PVT1: variants seen among roughly 807,000 people sequenced by gnomAD.
PVT1 encodes the protein CXCR4/PVT1 fusion.
intron 2 of PVT1, among the ~76,000 whole-genome samples, chr8:127,857,915 G>T (rs763918209): frequency 6.6e-6 from 1 of 152,166 alleles, no homozygotes; most frequent in Admixed American, 6.6e-5. Context: ...GCTCTGATTC[G>T]TATGGTGGAG....
intron 5 of PVT1, among the ~76,000 whole-genome samples, chr8:128,093,616 A>G (rs1413293652): frequency 1.3e-5 from 2 of 152,038 alleles, no homozygotes; most frequent in African/African-American, 2.4e-5. Context: ...TGGCACGACT[A>G]TCACCTCCCT....
chr8:128,079,450 A>G (rs1814145037), intron 5 of PVT1, among the ~76,000 whole-genome samples: 1 of 152,232 alleles, frequency 6.6e-6, no homozygotes, highest in Admixed American at 6.5e-5. Context: ...ATGAACTAAT[A>G]TTGATACATT....
chr8:127,970,148 A>G (rs7015112), intron 3 of PVT1, among the ~76,000 whole-genome samples: 95,699 of 151,866 alleles, frequency 0.63, 30,472 homozygotes, highest in South Asian at 0.8. Flanking sequence ...GCATCCAGGC[A>G]TGTGGCTTAC....
intron 3 of PVT1, among the ~76,000 whole-genome samples, chr8:127,934,697 G>A (rs1816250893): frequency 6.6e-6 from 1 of 151,610 alleles, no homozygotes; most frequent in South Asian, 2.1e-4. Context: ...TTTCTAACAG[G>A]ATGAAGACTT....
chr8:128,053,071 G>A (rs1393492792), intron 4 of PVT1, among the ~76,000 whole-genome samples: 2 of 152,158 alleles, frequency 1.3e-5, no homozygotes, highest in Non-Finnish European at 2.9e-5. Context: ...CTATTTCTTG[G>A]GTAAGTTCTC....
intron 3 of PVT1, among the ~76,000 whole-genome samples, chr8:127,953,760 T>TACAG (rs1816536030): frequency 1.3e-5 from 2 of 152,240 alleles, no homozygotes; most frequent in African/African-American, 4.8e-5. Flanking sequence ...AGCTCATTTC[T>TACAG]ATGTGGACTT....
At chr8:127,979,878 G>A (rs1816863875) in intron 3 of PVT1, among the ~76,000 whole-genome samples, 1 of 144,542 alleles carries the variant, frequency 6.9e-6, no homozygotes, top group Non-Finnish European at 1.6e-5. Context: ...TTTTTTTGTT[G>A]TGGTGGTGGT....
intron 3 of PVT1, among the ~76,000 whole-genome samples, chr8:127,960,940 G>A (rs1241389507): frequency 2.4e-4 from 29 of 120,466 alleles, no homozygotes; most frequent in Non-Finnish European, 4.4e-4. Flanking sequence ...GTGTGTTTGG[G>A]GGTGGGGGGG....
chr8:128,045,377 G>A (rs987491845), intron 4 of PVT1, among the ~76,000 whole-genome samples: 20 of 152,164 alleles, frequency 1.3e-4, no homozygotes, highest in African/African-American at 4.8e-4. Context: ...AAAATGCTTT[G>A]CCACAGCTGA....
intron 3 of PVT1, among the ~76,000 whole-genome samples, chr8:127,986,345 G>A (rs967219712): frequency 2.0e-5 from 3 of 152,152 alleles, no homozygotes; most frequent in Non-Finnish European, 4.4e-5. Context: ...AAAGCACAGC[G>A]TTGGGCCCAG....
chr8:127,877,163 G>A (rs904532876), intron 2 of PVT1, among the ~76,000 whole-genome samples: 6 of 152,190 alleles, frequency 3.9e-5, no homozygotes, highest in South Asian at 2.1e-4. Flanking sequence ...AGCTCAGAGC[G>A]CCTAGAATGT....
chr8:128,021,514 T>C (rs190750945), intron 4 of PVT1, among the ~76,000 whole-genome samples: 2,803 of 152,028 alleles, frequency 0.018, 86 homozygotes, highest in African/African-American at 0.063. Flanking sequence ...AGGATGGTCT[T>C]GATCTCCTGA....
At chr8:127,798,611 C>T (rs1310750261) in intron 2 of PVT1, among the ~76,000 whole-genome samples, 2 of 149,974 alleles carry the variant, frequency 1.3e-5, no homozygotes, top group Non-Finnish European at 2.9e-5. Flanking sequence ...GTAATCCCAG[C>T]ACTTTGGGAG....
At chr8:127,971,982 C>T (rs76580454) in intron 3 of PVT1, among the ~76,000 whole-genome samples, 4,106 of 152,282 alleles carry the variant, frequency 0.027, 89 homozygotes, top group African/African-American at 0.046. Flanking sequence ...CTACTCAGAT[C>T]GCCCTTGGAA....
At chr8:127,819,667 C>A (rs920903054) in intron 2 of PVT1, among the ~76,000 whole-genome samples, 11 of 152,152 alleles carry the variant, frequency 7.2e-5, no homozygotes, top group African/African-American at 2.7e-4. Flanking sequence ...CACCCTCAGG[C>A]TACCCAGCCC....
intron 2 of PVT1, chr8:127,803,125 CTTT>C (rs57755504): frequency 3.8e-5 from 4 of 105,368 alleles, no homozygotes; most frequent in Non-Finnish European, 5.3e-5. Context: ...TTCTTTCTTT[CTTT>C]TTTTTTTTTT....
At chr8:128,008,880 T>C (rs1270390406) in intron 4 of PVT1, 2 of 510,406 alleles carry the variant, frequency 3.9e-6, no homozygotes, top group Admixed American at 1.9e-5. Flanking sequence ...TGGTCAGGCT[T>C]ACATGCTTTT....
intron 2 of PVT1, among the ~76,000 whole-genome samples, chr8:127,851,391 G>A (rs188032980): frequency 1.4e-3 from 213 of 152,320 alleles, no homozygotes; most frequent in Non-Finnish European, 2.1e-3. Flanking sequence ...GTTCCAAGCA[G>A]TGTGACCTGG....
chr8:127,913,137 A>C lies in PVT1; in HGVS notation n.782+22139A>C, dbSNP rs12675150. On this transcript the variant is annotated intron_variant and non_coding_transcript_variant, in intron 3 of 10. Transcript: ENST00000651587. ...AGTGCTGGGATTACTGGTGTGAGCC[A>C]CCACGCTTGGCCTCTTCCCTCCCTT... Among the ~76,000 whole-genome samples, 1,210 of 152,246 alleles carry C rather than the reference A, an allele frequency of 7.9e-3. 34 individuals carry two copies. The East Asian group carries it at 0.1, about 13-fold the overall frequency.
Sources: gnomAD v4.1 joint callset for allele counts (sites outside exome capture counted in the v4.1 genomes callset) on GRCh38, gnomAD v4.1.1 for gene constraint, MANE v1.5 for transcripts, NCBI Gene and HGNC (gene_info 2026-07-23, HGNC 2026-07-21) for gene names.